The following NR3C2 variants were observed in gnomAD, a reference collection of about 807,000 sequenced individuals.
The protein encoded by NR3C2 is mineralocorticoid receptor.
A neutral mutation model predicts 86.4 loss-of-function variants in NR3C2; 15 were observed. The ratio of observed to expected loss-of-function variants is 0.17; its 90% CI spans 0.12 to 0.27. NR3C2 has a LOEUF of 0.27. Among genes scored for constraint, NR3C2 ranks in the 10% least tolerant of loss-of-function variants. The pLI is 1.00. For missense variants in NR3C2, 960 were observed against 1,195.6 expected (o/e 0.80, Z 2.91); for synonymous variants, 458 against 450.5 (o/e 1.02, Z -0.21).
chr4:148,090,595 G>A (rs1731016761), intron 8 of NR3C2, among the ~76,000 whole-genome samples: 1 of 152,168 alleles, frequency 6.6e-6, no homozygotes, highest in African/African-American at 2.4e-5. Flanking sequence ...AGGCCCTCTC[G>A]GAGCCTCTGT....
rs1750047741 is a variant in NR3C2 at position 148,436,050 on chromosome 4, A to G, written c.811T>C (p.Ser271Pro). The G allele has an allele frequency of 1.9e-6, 3 of 1,614,068 alleles. No homozygotes were observed. Among genetic ancestry groups the G allele is most frequent in the South Asian group, 2.2e-5 (2 of 91,084 alleles). ...LSSPLSSMKS[S>P]ISSPPSHCSV... ...CAGTGACTTGGAGGGCTGGAAATTG[A>G]GGATTTCATGCTACTTAACGGACTT... The change falls in exon 2 of 9, where the codon TCA becomes CCA. Residue 271 changes from serine (S) to proline (P), a missense_variant. Around this residue, in one of 4 missense-constraint regions of NR3C2, gnomAD observed 680 missense variants for 719.0 expected, o/e 0.95. Transcript: ENST00000358102.
At chr4:148,094,281 G>A (rs1242624953) in intron 8 of NR3C2, among the ~76,000 whole-genome samples, 1 of 152,224 alleles carries the variant, frequency 6.6e-6, no homozygotes, top group Non-Finnish European at 1.5e-5. Flanking sequence ...TGGTGAAAAT[G>A]TATAATGGTG....
chr4:148,303,010 C>G (rs953323987), intron 2 of NR3C2, among the ~76,000 whole-genome samples: 1 of 152,108 alleles, frequency 6.6e-6, no homozygotes, highest in African/African-American at 2.4e-5. Flanking sequence ...CCCTGTGAAA[C>G]AGAGTTCCAT....
intron 2 of NR3C2, among the ~76,000 whole-genome samples, chr4:148,370,271 C>G (rs930335976): frequency 6.6e-6 from 1 of 152,132 alleles, no homozygotes; most frequent in Non-Finnish European, 1.5e-5. Flanking sequence ...AAAATGAAGG[C>G]AAGTGTTCAG....
chr4:148,103,874 C>A (rs1731654871), intron 8 of NR3C2, among the ~76,000 whole-genome samples: 1 of 152,180 alleles, frequency 6.6e-6, no homozygotes, highest in Non-Finnish European at 1.5e-5. Flanking sequence ...TTGTCCAGAC[C>A]TCCCCATACC....
intron 2 of NR3C2, among the ~76,000 whole-genome samples, chr4:148,346,973 G>A (rs1179565835): frequency 6.6e-6 from 1 of 152,092 alleles, no homozygotes; most frequent in Admixed American, 6.6e-5. Context: ...ACGAGGAAGA[G>A]CTGAAAACAT....
chr4:148,187,467 C>T (rs747141476), intron 4 of NR3C2, among the ~76,000 whole-genome samples: 1 of 152,048 alleles, frequency 6.6e-6, no homozygotes, highest in Non-Finnish European at 1.5e-5. Flanking sequence ...TGATGTTGAG[C>T]ATTTTTTCAT....
Position 148,289,180 on chromosome 4 carries a change from G to A in NR3C2, c.1758-29063C>T, listed in dbSNP as rs147656095. On this transcript the variant is annotated intron_variant, in intron 2 of 8. Transcript: ENST00000358102. ...AGGTATCACTAGGATAGTAAGTTAT[G>A]TGGTAAGACATGCTTTTTAAACAAG... Among the ~76,000 whole-genome samples the A allele has an allele frequency of 8.8e-3, 1,332 of 151,172 alleles. 14 individuals carry two copies. The highest frequency in any genetic ancestry group is 0.03 in the African/African-American group (1,255 of 41,222).
intron 6 of NR3C2, among the ~76,000 whole-genome samples, chr4:148,120,733 A>G (rs956617890): frequency 1.3e-5 from 2 of 152,218 alleles, no homozygotes; most frequent in Non-Finnish European, 2.9e-5. Context: ...GGGATGACCA[A>G]TCTTATTTCT....
chr4:148,285,801 A>G (rs2149901965), intron 2 of NR3C2, among the ~76,000 whole-genome samples: 1 of 152,348 alleles, frequency 6.6e-6, no homozygotes, highest in East Asian at 1.9e-4. Context: ...GTGATAAAGT[A>G]ACTTCAGTGA....
At chr4:148,304,730 T>TG (rs1198307209) in intron 2 of NR3C2, among the ~76,000 whole-genome samples, 1 of 152,038 alleles carries the variant, frequency 6.6e-6, no homozygotes, top group Non-Finnish European at 1.5e-5. Flanking sequence ...CAGGGCCTTG[T>TG]CTGGGTGTGC....
upstream of NR3C2, chr4:148,444,840 ACAG>A: frequency 1.0e-6 from 1 of 984,868 alleles, no homozygotes; most frequent in South Asian, 4.7e-5. Flanking sequence ...CTCGGCGTTG[ACAG>A]CGGCGTCCCT....
At chr4:148,164,697 T>C (rs1304723233) in intron 4 of NR3C2, among the ~76,000 whole-genome samples, 1 of 152,208 alleles carries the variant, frequency 6.6e-6, no homozygotes, top group Non-Finnish European at 1.5e-5. Context: ...AGAGAATTTA[T>C]TACATGAAAC....
intron 4 of NR3C2, among the ~76,000 whole-genome samples, chr4:148,168,932 C>T (rs991681894): frequency 6.8e-6 from 1 of 148,034 alleles, no homozygotes; most frequent in Non-Finnish European, 1.5e-5. Context: ...TCATAAAGTA[C>T]CCAATAATTA....
chr4:148,172,613 C>T (rs954497093), intron 4 of NR3C2, among the ~76,000 whole-genome samples: 10 of 151,986 alleles, frequency 6.6e-5, no homozygotes, highest in African/African-American at 2.4e-4. Flanking sequence ...CAAACCTTGT[C>T]GTGATTATTA....
intron 2 of NR3C2, among the ~76,000 whole-genome samples, chr4:148,294,180 A>C (rs967489471): frequency 2.0e-5 from 3 of 152,172 alleles, no homozygotes; most frequent in Non-Finnish European, 4.4e-5. Flanking sequence ...TCTTGAATTA[A>C]ATATGTACTA....
At chr4:148,410,552 A>T (rs1748643784) in intron 2 of NR3C2, among the ~76,000 whole-genome samples, 1 of 152,242 alleles carries the variant, frequency 6.6e-6, no homozygotes, top group African/African-American at 2.4e-5. Context: ...TAACTGCAGA[A>T]GCTTAAATCA....
rs1380900120 is a variant in NR3C2 at position 148,080,367 on chromosome 4, A to AGAT, written c.*974_*976dup. ...AGAGACTGTAAAATAATGGTAAATT[A>AGAT]GATATGAAGCTAAAAAAGGCACAGC... On this transcript the variant is annotated 3_prime_UTR_variant, in exon 9 of 9. Transcript: ENST00000358102. The AGAT allele has an allele frequency of 1.3e-5, 2 of 152,702 alleles. No homozygotes were observed. The highest frequency in any genetic ancestry group is 2.9e-5 in the Non-Finnish European group (2 of 68,058). 9.5% of individuals were successfully genotyped at this position (152,702 alleles called of 1,614,324 possible).
chr4:148,088,322 C>T (rs1206222418), intron 8 of NR3C2, among the ~76,000 whole-genome samples: 2 of 152,146 alleles, frequency 1.3e-5, no homozygotes, highest in Non-Finnish European at 2.9e-5. Flanking sequence ...CCTCAAGGAT[C>T]TAGAACTAGA....
Sources: gnomAD v4.1 joint callset for allele counts (sites outside exome capture counted in the v4.1 genomes callset) on GRCh38, gnomAD v4.1.1 for gene constraint, gnomAD v4.1.1 regional missense constraint, MANE v1.5 for transcripts, NCBI Gene and HGNC (gene_info 2026-07-23, HGNC 2026-07-21) for gene names.